The following CCDC181 variants were observed in gnomAD, a reference collection of about 807,000 sequenced individuals.
The protein encoded by CCDC181 is coiled-coil domain-containing protein 181.
CCDC181 carries 35 observed loss-of-function variants against 58.7 expected under a neutral mutation model. The observed-to-expected ratio is 0.60, with a 90% CI of 0.46 to 0.79. CCDC181 has a LOEUF of 0.79. CCDC181 is among the 30% of genes least tolerant of loss of function. CCDC181 has a pLI of 0.00. For synonymous variants in CCDC181, 183 were observed against 197.5 expected, an observed-to-expected ratio of 0.93 and a Z score of 0.62; for missense variants, 517 against 583.9, an observed-to-expected ratio of 0.89 and a Z score of 1.18.
At chr1:169,432,337 T>C (rs978238256), upstream of CCDC181, among the ~76,000 whole-genome samples, 2 of 152,138 alleles carry the variant, frequency 1.3e-5, no homozygotes, top group African/African-American at 4.8e-5. Context: ...GAAGAGAGCC[T>C]AGGGGACCTG....
At chr1:169,398,541 A>G (rs1655175357) in intron 4 of CCDC181, among the ~76,000 whole-genome samples, 1 of 152,212 alleles carries the variant, frequency 6.6e-6, no homozygotes, top group African/African-American at 2.4e-5. Context: ...AGCAGGCACT[A>G]AAGTACTGGG....
At position 169,432,856 on chromosome 1, in the gene CCDC181, G is replaced by T. The variant is rs539159584; in HGVS notation, c.-23-7906C>A. On this transcript the variant is annotated intron_variant, in intron 2 of 6. Coordinates refer to the CCDC181 transcript ENST00000545005. ...GGATACTGCCTCAACTTAATAAAAG[G>T]CATATATGAAAAACCCGCACCAAAC... Among the ~76,000 whole-genome samples, 9 of 152,116 alleles carry T rather than the reference G, an allele frequency of 5.9e-5. No homozygotes were observed. The South Asian group carries it at 1.9e-3, about 32-fold the overall frequency.
intron 4 of CCDC181, among the ~76,000 whole-genome samples, chr1:169,405,864 G>C (rs937496285): frequency 3.3e-5 from 5 of 152,138 alleles, no homozygotes; most frequent in African/African-American, 1.2e-4. Context: ...AGAGTGAACA[G>C]GCAACCTACA....
At chr1:169,428,647 GTTTC>G (rs1322092357), upstream of CCDC181, among the ~76,000 whole-genome samples, 2 of 151,756 alleles carry the variant, frequency 1.3e-5, no homozygotes, top group Non-Finnish European at 2.9e-5. Context: ...TTTTTTGTTT[GTTTC>G]TTTGTTTGTT....
intron 4 of CCDC181, among the ~76,000 whole-genome samples, chr1:169,418,405 A>G (rs1368124606): frequency 6.6e-6 from 1 of 152,100 alleles, no homozygotes; most frequent in Non-Finnish European, 1.5e-5. Context: ...ATAAATATAA[A>G]TAAGATATAA....
At chr1:169,418,019 G>A (rs571626665) in intron 4 of CCDC181, among the ~76,000 whole-genome samples, 6 of 152,246 alleles carry the variant, frequency 3.9e-5, no homozygotes, top group South Asian at 2.1e-4. Flanking sequence ...CTCACACACC[G>A]TTGGAGGAAC....
chr1:169,410,002 A>C (rs1042192406), intron 4 of CCDC181, among the ~76,000 whole-genome samples: 1 of 152,176 alleles, frequency 6.6e-6, no homozygotes, highest in Non-Finnish European at 1.5e-5. Context: ...ACCAACTAGC[A>C]TCATAATGAC....
chr1:169,398,530 T>C (rs959043553), intron 4 of CCDC181, among the ~76,000 whole-genome samples: 1 of 152,228 alleles, frequency 6.6e-6, no homozygotes, highest in Non-Finnish European at 1.5e-5. Flanking sequence ...ATTTACTACA[T>C]AGCAGGCACT....
intron 2 of CCDC181, 30 bp from the exon 3 acceptor site, chr1:169,422,343 T>C: frequency 6.9e-7 from 1 of 1,458,330 alleles, no homozygotes; most frequent in East Asian, 2.3e-5. Context: ...CAGTCAAAAT[T>C]GAGATTCTTC....
intron 4 of CCDC181, among the ~76,000 whole-genome samples, chr1:169,406,996 C>T (rs1433789084): frequency 7.2e-6 from 1 of 139,398 alleles, no homozygotes; most frequent in Non-Finnish European, 1.5e-5. Context: ...GAGATAATAG[C>T]AAGTCTTCTA....
At chr1:169,419,520 A>G (rs1465174792) in intron 3 of CCDC181, among the ~76,000 whole-genome samples, 4 of 152,234 alleles carry the variant, frequency 2.6e-5, no homozygotes, top group Non-Finnish European at 5.9e-5. Context: ...CAATATAGCA[A>G]GACTTTCTAA....
Position 169,407,533 on chromosome 1 carries a change from T to G in CCDC181, c.1216-10142A>C, listed in dbSNP as rs533282195. On this transcript the variant is annotated intron_variant, in intron 4 of 5. Transcript: ENST00000367806. ...GGACTGTTTTTTAAATACTTGATTATAAGGCAGAAAAGGATGAGTAATTGA... is the reference window on the plus strand; with the variant it reads ...GGACTGTTTTTTAAATACTTGATTAGAAGGCAGAAAAGGATGAGTAATTGA... Among the ~76,000 whole-genome samples the G allele has an allele frequency of 2.6e-5, 4 of 152,280 alleles. No individual in the cohort carries two copies. In the South Asian group the frequency reaches 8.3e-4, roughly 32 times the overall value.
chr1:169,423,162 C>G (rs150755581), intron 2 of CCDC181, among the ~76,000 whole-genome samples: 1,679 of 151,462 alleles, frequency 0.011, 19 homozygotes, highest in Middle Eastern at 0.024. Context: ...CCCTTAAAAT[C>G]ACTTTCCTCC....
At chr1:169,453,759 A>G (rs1048438131) in intron 2 of CCDC181, among the ~76,000 whole-genome samples, 6 of 148,364 alleles carry the variant, frequency 4.0e-5, no homozygotes, top group African/African-American at 1.2e-4. Context: ...AACAAAAGGC[A>G]TTTAAAAGAG....
At chr1:169,397,580 A>G (rs941309955) in intron 4 of CCDC181, among the ~76,000 whole-genome samples, 189 bp from the exon 5 acceptor site, 5 of 152,214 alleles carry the variant, frequency 3.3e-5, no homozygotes, top group African/African-American at 7.2e-5. Context: ...ATCTTTCAGC[A>G]GTTACTTAAA....
At chr1:169,416,991 A>G (rs1656243910) in intron 4 of CCDC181, among the ~76,000 whole-genome samples, 1 of 152,214 alleles carries the variant, frequency 6.6e-6, no homozygotes. Flanking sequence ...GAAAAAGATT[A>G]TAAACAGGAA....
At chr1:169,437,304 T>C (rs1244265627) in intron 2 of CCDC181, among the ~76,000 whole-genome samples, 1 of 152,204 alleles carries the variant, frequency 6.6e-6, no homozygotes, top group Non-Finnish European at 1.5e-5. Context: ...TCCTTAAATA[T>C]TGTAGCCTCT....
intron 2 of CCDC181, among the ~76,000 whole-genome samples, chr1:169,422,789 A>G (rs893964609): frequency 1.3e-4 from 20 of 151,860 alleles, no homozygotes; most frequent in Admixed American, 1.3e-3. Context: ...ATCTTTTCAG[A>G]CTATTATTAT....
intron 2 of CCDC181, among the ~76,000 whole-genome samples, chr1:169,434,041 A>G (rs1656989958): frequency 6.6e-6 from 1 of 152,034 alleles, no homozygotes; most frequent in Non-Finnish European, 1.5e-5. Context: ...TAATGTTCAT[A>G]GGTATCCAAG....
Sources: allele counts gnomAD v4.1 joint callset (sites outside exome capture counted in the v4.1 genomes callset), GRCh38; gene constraint gnomAD v4.1.1; transcripts MANE v1.5; gene names NCBI Gene and HGNC (gene_info 2026-07-23, HGNC 2026-07-21).